NHLRC2: variants seen among roughly 807,000 people sequenced by gnomAD.
NHLRC2 encodes the protein NHL repeat-containing protein 2.
A neutral mutation model predicts 68.1 loss-of-function variants in NHLRC2; 33 were observed. The observed-to-expected ratio is 0.48, with a 90% confidence interval of 0.37 to 0.65. The LOEUF is 0.65. NHLRC2 is among the 30% of genes least tolerant of loss of function. The pLI is 0.00. For synonymous variants in NHLRC2, 311 were observed against 309.6 expected, an observed-to-expected ratio of 1.00 and a Z score of -0.05; for missense variants, 761 against 853.8, an observed-to-expected ratio of 0.89 and a Z score of 1.35.
intron 3 of NHLRC2, among the ~76,000 whole-genome samples, chr10:113,879,038 A>C (rs1219535732): frequency 1.3e-5 from 2 of 152,084 alleles, no homozygotes; most frequent in Non-Finnish European, 2.9e-5. Flanking sequence ...GACTAGAATC[A>C]CTCTCTCTTA....
chr10:113,854,941 C>G lies in NHLRC2; in HGVS notation c.69C>G (p.Tyr23Ter), dbSNP rs1845729961. Reference protein sequence around the residue: ...GLLPAQTSLEYALLDAVTQQE... With the variant: ...GLLPAQTSLE ...TCCCCGCGCAGACCTCGCTAGAGTA[C>G]GCCCTGCTCGACGCCGTTACCCAGC... Residue 23 changes from tyrosine (Y) to a stop codon, truncating the protein, a stop_gained, in exon 1 of 11, where the codon TAC becomes TAG. Coordinates refer to ENST00000369301, the MANE Select transcript of NHLRC2 (RefSeq NM_198514.4). LOFTEE classifies it high-confidence loss of function. 6.4e-7 allele frequency: 1 copy of G among 1,554,956 alleles called. No individual in the cohort carries two copies. The highest frequency in any genetic ancestry group is 8.7e-7 in the Non-Finnish European group (1 of 1,148,842).
In NHLRC2 at chr10:113,915,144, G is replaced by T. The variant is rs778332141; in HGVS notation, c.*6608G>T. ...GTGGAATGTTTGCCTGGTTGTATTG[G>T]TGTGTCCCTCTTCTTCACTGGCATG... On this transcript the variant is annotated 3_prime_UTR_variant, in exon 11 of 11. Coordinates refer to ENST00000369301, the MANE Select transcript of NHLRC2 (RefSeq NM_198514.4). 5 of 456,306 alleles carry T rather than the reference G, an allele frequency of 1.1e-5. No individual in the cohort carries two copies. Among genetic ancestry groups the T allele is most frequent in the South Asian group, 3.1e-5 (2 of 64,574 alleles). 28.3% of individuals were successfully genotyped at this position (456,306 alleles called of 1,614,324 possible).
rs946186943 is a variant in NHLRC2, at chr10:113,910,581, C to T, written c.*2045C>T. 3.9e-5 allele frequency: 6 copies of T among 152,072 alleles called. No homozygotes were observed. Among genetic ancestry groups the T allele is most frequent in the Admixed American group, 3.3e-4 (5 of 15,266 alleles). The allele number at this position is 152,072 out of a possible 1,614,324, so 9.4% of individuals were successfully genotyped here. A position where few individuals can be genotyped will look rare whatever the true frequency, so the allele number is the denominator to read the frequency against. ...TGGACAGGATGAGAATATTTTGGCC[C>T]AATCATTTTCTGTTTAAGGACTTAA... On this transcript the variant is annotated 3_prime_UTR_variant, in exon 11 of 11. Transcript: ENST00000369301.
intron 5 of NHLRC2, among the ~76,000 whole-genome samples, chr10:113,888,204 A>C (rs1846099527): frequency 6.6e-6 from 1 of 152,192 alleles, no homozygotes; most frequent in South Asian, 2.1e-4. Context: ...AAAGGGTACA[A>C]AGTTTCAATT....
intron 1 of NHLRC2, among the ~76,000 whole-genome samples, chr10:113,855,534 C>T (rs1298176921): frequency 1.3e-5 from 2 of 152,024 alleles, no homozygotes; most frequent in African/African-American, 4.8e-5. Flanking sequence ...GTGGCGTGAT[C>T]TTGGCTCACT....
rs532288008 is a variant in NHLRC2 at position 113,855,727 on chromosome 10, G to A, written c.178+677G>A. 1.2e-4 allele frequency among the ~76,000 whole-genome samples: 18 copies of A among 152,270 alleles called. No individual in the cohort carries two copies. In the South Asian group the frequency reaches 3.3e-3, roughly 28 times the overall value. On this transcript the variant is annotated intron_variant, in intron 1 of 10. Coordinates refer to ENST00000369301, the MANE Select transcript of NHLRC2 (RefSeq NM_198514.4). ...TTGGCCAGGCTGGTCTCGACCTCCT[G>A]ATTTCAAGTGATCCTCCCGCCTCCG...
At chr10:113,858,263 C>G (rs947067386) in intron 1 of NHLRC2, among the ~76,000 whole-genome samples, 2 of 151,646 alleles carry the variant, frequency 1.3e-5, no homozygotes, top group Admixed American at 6.6e-5. Context: ...GCTAATTTGC[C>G]TTTTTGGTAT....
intron 10 of NHLRC2, among the ~76,000 whole-genome samples, chr10:113,905,681 T>A (rs1846269534): frequency 6.6e-6 from 1 of 152,096 alleles, no homozygotes; most frequent in Non-Finnish European, 1.5e-5. Flanking sequence ...TCTCACTCAA[T>A]TTTCCATTTC....
chr10:113,882,078 A>C (rs73345590), intron 4 of NHLRC2, among the ~76,000 whole-genome samples: 1 of 151,680 alleles, frequency 6.6e-6, no homozygotes, highest in African/African-American at 2.4e-5. Flanking sequence ...CATTTTATCT[A>C]CCAATTCACC....
chr10:113,861,485 C>A (rs140544897), intron 2 of NHLRC2, among the ~76,000 whole-genome samples: 9 of 152,122 alleles, frequency 5.9e-5, no homozygotes, highest in Admixed American at 2.0e-4. Flanking sequence ...CTTTGGAGGC[C>A]AGAAGGCAGT....
chr10:113,902,602 T>C lies in NHLRC2; in HGVS notation c.1494+9T>C. 1 of 1,598,606 alleles carries C rather than the reference T, an allele frequency of 6.3e-7. No individual in the cohort carries two copies. Among genetic ancestry groups the C allele is most frequent in the Non-Finnish European group, 8.5e-7 (1 of 1,175,452 alleles). ...ACTCCTACAATCACAAGGTGAGTCG[T>C]GACAGAATTATATAATATCTTGCTT... is the stretch of plus-strand genomic sequence containing the variant. On this transcript the variant is annotated intron_variant, in intron 8 of 10. Transcript: ENST00000369301.
At chr10:113,855,134 A>G in intron 1 of NHLRC2, 84 bp downstream of exon 1, 1 of 1,293,782 alleles carries the variant, frequency 7.7e-7, no homozygotes, top group Non-Finnish European at 1.1e-6. Context: ...GCGGTGGGCT[A>G]GGCGGGTTTG....
chr10:113,865,056 TCTCCTACCTCAGC>T (rs1845852434), intron 2 of NHLRC2, among the ~76,000 whole-genome samples: 1 of 151,772 alleles, frequency 6.6e-6, no homozygotes, highest in Non-Finnish European at 1.5e-5. Context: ...TTCAAGCGAT[TCTCCTACCTCAGC>T]CTCCCGAGTA....
intron 2 of NHLRC2, among the ~76,000 whole-genome samples, chr10:113,863,874 C>G (rs1252097452): frequency 6.6e-6 from 1 of 152,100 alleles, no homozygotes; most frequent in African/African-American, 2.4e-5. Context: ...ATGAAGTAGA[C>G]AAATTTCTGA....
intron 2 of NHLRC2, among the ~76,000 whole-genome samples, chr10:113,870,932 G>T (rs1233660646): frequency 1.3e-5 from 2 of 150,546 alleles, no homozygotes; most frequent in African/African-American, 4.9e-5. Flanking sequence ...AGTTTTGTCT[G>T]CCATTATATC....
At chr10:113,876,441 G>A in intron 2 of NHLRC2, 80 bp from the exon 3 acceptor site, 2 of 777,236 alleles carry the variant, frequency 2.6e-6, no homozygotes, top group East Asian at 2.8e-5. Context: ...TAATATTTGT[G>A]ATCCAAAACC....
chr10:113,871,015 C>CTTTTTT (rs1169108158), intron 2 of NHLRC2, among the ~76,000 whole-genome samples: 2 of 65,724 alleles, frequency 3.0e-5, no homozygotes, highest in African/African-American at 6.7e-5. Context: ...CTTCCTGCAT[C>CTTTTTT]TTTTTTTTTT....
At chr10:113,899,349 C>T (rs1846208042) in intron 6 of NHLRC2, among the ~76,000 whole-genome samples, 1 of 152,144 alleles carries the variant, frequency 6.6e-6, no homozygotes, top group Non-Finnish European at 1.5e-5. Flanking sequence ...TTGCAAGTTA[C>T]CGTTATTAAT....
chr10:113,872,780 A>G (rs570490818), intron 2 of NHLRC2, among the ~76,000 whole-genome samples: 75 of 149,770 alleles, frequency 5.0e-4, no homozygotes, highest in African/African-American at 1.6e-3. Context: ...AAAAAAAGTT[A>G]AAAGGTTTAG....
Sources: allele counts gnomAD v4.1 joint callset (sites outside exome capture counted in the v4.1 genomes callset), GRCh38; gene constraint gnomAD v4.1.1; transcripts MANE v1.5; gene names NCBI Gene and HGNC (gene_info 2026-07-23, HGNC 2026-07-21).